The following CHRM3 variants were observed in gnomAD, a reference collection of about 807,000 sequenced individuals.
CHRM3 encodes cholinergic receptor muscarinic 3.
In CHRM3, 11 loss-of-function variants were observed where a neutral mutation model predicts 41.8. The observed-to-expected ratio is 0.26, with a 90% CI of 0.17 to 0.44. The LOEUF is 0.44. Ranked by LOEUF, CHRM3 falls within the 20% of genes least tolerant of loss-of-function variation. The pLI is 1.00. For synonymous variants in CHRM3, 297 were observed against 301.4 expected (o/e 0.99, Z 0.15); for missense variants, 571 against 745.4 (o/e 0.77, Z 2.72).
At chr1:239,418,079 CA>C (rs912665973) in intron 1 of CHRM3, among the ~76,000 whole-genome samples, 1 of 152,112 alleles carries the variant, frequency 6.6e-6, no homozygotes, top group African/African-American at 2.4e-5. Context: ...GAAGCTGAAG[CA>C]AAAATGCTAC....
At chr1:239,724,140 C>T (rs1472358675) in intron 5 of CHRM3, among the ~76,000 whole-genome samples, 2 of 151,666 alleles carry the variant, frequency 1.3e-5, no homozygotes, top group Non-Finnish European at 2.9e-5. Flanking sequence ...GATGCTGGAC[C>T]AATGTCGACT....
intron 4 of CHRM3, among the ~76,000 whole-genome samples, chr1:239,663,767 A>T: frequency 6.6e-6 from 1 of 152,198 alleles, no homozygotes; most frequent in South Asian, 2.1e-4. Context: ...ATTCCTTTAG[A>T]CACTTTAAAA....
intron 3 of CHRM3, among the ~76,000 whole-genome samples, chr1:239,580,001 T>A (rs540578694): frequency 6.6e-6 from 1 of 152,250 alleles, no homozygotes; most frequent in South Asian, 2.1e-4. Context: ...TCCAGTGTTC[T>A]TAACCACTAT....
intron 2 of CHRM3, among the ~76,000 whole-genome samples, chr1:239,525,013 C>T (rs1046254707): frequency 7.2e-5 from 11 of 151,842 alleles, no homozygotes; most frequent in African/African-American, 2.4e-4. Flanking sequence ...ATGTACTAAC[C>T]GGATTATATT....
At chr1:239,687,861 G>A (rs527612722) in intron 5 of CHRM3, among the ~76,000 whole-genome samples, 1 of 152,252 alleles carries the variant, frequency 6.6e-6, no homozygotes, top group South Asian at 2.1e-4. Flanking sequence ...TAGGTATGTA[G>A]TAAACTATGC....
At position 239,748,091 on chromosome 1, in the gene CHRM3, C is replaced by A. The variant is rs1349322858; in HGVS notation, c.-147+69803C>A. ...GTGAAAATAGGAGTAAGGAAAAGCC[C>A]TTACAATTTGAACAGACACCCTATA... On this transcript the variant is annotated intron_variant, in intron 5 of 6. Transcript: ENST00000676153. This position sits in a 1 kb window ranked among gnomAD's most constrained non-coding sequence, Gnocchi z 4.3. Among the ~76,000 whole-genome samples, 3 of 152,082 alleles carry A rather than the reference C, an allele frequency of 2.0e-5. No individual in the cohort carries two copies. The highest frequency in any genetic ancestry group is 7.2e-5 in the African/African-American group (3 of 41,418).
intron 5 of CHRM3, among the ~76,000 whole-genome samples, chr1:239,765,375 G>T (rs1351906764): frequency 6.6e-6 from 1 of 152,190 alleles, no homozygotes; most frequent in Non-Finnish European, 1.5e-5. Context: ...CACTAGGGAA[G>T]TAAGTCCTGT....
At chr1:239,715,537 G>A (rs1403277955) in intron 5 of CHRM3, among the ~76,000 whole-genome samples, 1 of 152,078 alleles carries the variant, frequency 6.6e-6, no homozygotes, top group Non-Finnish European at 1.5e-5. Flanking sequence ...GATTTGAGAA[G>A]ATACCTACAA....
At chr1:239,852,964 T>C (rs1033098520) in intron 6 of CHRM3, among the ~76,000 whole-genome samples, 11 of 152,118 alleles carry the variant, frequency 7.2e-5, no homozygotes, top group African/African-American at 2.7e-4. Flanking sequence ...CATTCTGTCA[T>C]GAAAGTTTGG....
chr1:239,762,510 T>C (rs544841966), intron 5 of CHRM3, among the ~76,000 whole-genome samples: 192 of 152,346 alleles, frequency 1.3e-3, no homozygotes, highest in African/African-American at 4.2e-3. Flanking sequence ...ATTTATAACA[T>C]GTTCACATTA....
chr1:239,491,793 A>C (rs956026405), intron 1 of CHRM3, among the ~76,000 whole-genome samples: 2 of 152,180 alleles, frequency 1.3e-5, no homozygotes, highest in Admixed American at 1.3e-4. Context: ...AATAATTTAC[A>C]TTCCAATCAA....
At chr1:239,537,370 A>G (rs989651318) in intron 2 of CHRM3, among the ~76,000 whole-genome samples, 3 of 152,026 alleles carry the variant, frequency 2.0e-5, no homozygotes, top group African/African-American at 4.8e-5. Context: ...TCTCATGGTG[A>G]AAGGCTAAGC....
At chr1:239,432,418 A>T (rs1285584582) in intron 1 of CHRM3, among the ~76,000 whole-genome samples, 1 of 152,184 alleles carries the variant, frequency 6.6e-6, no homozygotes, top group Non-Finnish European at 1.5e-5. Flanking sequence ...CTCTTCAGTC[A>T]TCTGGGTTTC....
Position 239,745,039 on chromosome 1 carries a change from G to A in CHRM3, c.-147+66751G>A, listed in dbSNP as rs540799051. ...GGAGGAGTCAGATGTGGCATTTCAG[G>A]ACATGACATGGAGAGGCAAGAAAGG... On this transcript the variant is annotated intron_variant, in intron 5 of 6. Coordinates refer to ENST00000676153, the MANE Select transcript of CHRM3 (RefSeq NM_001375978.1). 5.9e-5 allele frequency among the ~76,000 whole-genome samples: 9 copies of A among 152,194 alleles called. No homozygotes were observed. In the East Asian group the frequency reaches 1.7e-3, roughly 30 times the overall value.
intron 5 of CHRM3, among the ~76,000 whole-genome samples, chr1:239,731,332 G>A (rs1663947105): frequency 6.6e-6 from 1 of 151,884 alleles, no homozygotes; most frequent in Non-Finnish European, 1.5e-5. Flanking sequence ...GGAGAACATA[G>A]CCGGCCTGAG....
At chr1:239,493,602 G>A (rs375716795) in intron 2 of CHRM3, among the ~76,000 whole-genome samples, 1 of 152,158 alleles carries the variant, frequency 6.6e-6, no homozygotes, top group Admixed American at 6.6e-5. Context: ...ATCAAAAGCA[G>A]TAAGGCTGAT....
chr1:239,782,011 T>C (rs1179173259), intron 5 of CHRM3, among the ~76,000 whole-genome samples: 1 of 152,152 alleles, frequency 6.6e-6, no homozygotes, highest in Non-Finnish European at 1.5e-5. Context: ...TGGATTTGGT[T>C]TGCTAATATT....
At chr1:239,797,507 A>G (rs1271697170) in intron 5 of CHRM3, among the ~76,000 whole-genome samples, 1 of 152,058 alleles carries the variant, frequency 6.6e-6, no homozygotes, top group Non-Finnish European at 1.5e-5. Context: ...TAATTTGATT[A>G]TATAATAGAA....
chr1:239,644,859 G>T (rs1417684187), intron 4 of CHRM3, among the ~76,000 whole-genome samples: 2 of 152,206 alleles, frequency 1.3e-5, no homozygotes, highest in African/African-American at 4.8e-5. Flanking sequence ...GGGTCCCATG[G>T]CCTGGGGACT....
Sources: gnomAD v4.1 joint callset for allele counts (sites outside exome capture counted in the v4.1 genomes callset) on GRCh38, gnomAD v4.1.1 for gene constraint, Gnocchi (gnomAD v3.1) non-coding constraint, MANE v1.5 for transcripts, NCBI Gene and HGNC (gene_info 2026-07-23, HGNC 2026-07-21) for gene names.